The following GNAL variants were observed in gnomAD, a reference collection of about 807,000 sequenced individuals.
GNAL encodes G protein subunit alpha L, also known as guanine nucleotide-binding protein G(olf) subunit alpha.
Under a neutral mutation model 55.1 loss-of-function variants are expected in GNAL, and 18 were observed. The ratio of observed to expected loss-of-function variants is 0.33; its 90% CI spans 0.23 to 0.48. The LOEUF is 0.48. Ranked by LOEUF, GNAL falls within the 20% of genes least tolerant of loss-of-function variation. The pLI is 0.99. For synonymous variants in GNAL, 253 were observed against 237.0 expected (o/e 1.07, Z -0.62); for missense variants, 412 against 614.1 (o/e 0.67, Z 3.48).
In GNAL at chr18:11,851,825, C is replaced by T; in HGVS notation, c.723-10570C>T. The T allele has an allele frequency of 1.2e-6, 2 of 1,613,938 alleles. No individual in the cohort carries two copies. The highest frequency in any genetic ancestry group is 2.2e-5 in the South Asian group (2 of 91,074). Reference sequence around the variant, plus strand: ...AAGTCGATGGATGCGACATTGAAGACCATGAATCTGGAGAAGATTTCTGCT... The same window carrying T: ...AAGTCGATGGATGCGACATTGAAGATCATGAATCTGGAGAAGATTTCTGCT... On this transcript the variant is annotated intron_variant, in intron 5 of 11. Transcript: ENST00000334049.
In GNAL at chr18:11,872,257, T is replaced by C; in HGVS notation, c.1032-11T>C. ...TATGTGAAATTTGTATGTTTATTTT[T>C]CCTTTTTTAGGTGGTTACGGACCAT... On this transcript the variant is annotated splice_polypyrimidine_tract_variant and intron_variant, in intron 9 of 11. Transcript: ENST00000334049. 2 of 1,560,668 alleles carry C rather than the reference T, an allele frequency of 1.3e-6. No individual in the cohort carries two copies. Among genetic ancestry groups the C allele is most frequent in the African/African-American group, 1.4e-5 (1 of 72,048 alleles).
rs75722268 is a variant in GNAL at position 11,834,755 on chromosome 18, C to A, written c.722+9740C>A. On this transcript the variant is annotated intron_variant, in intron 5 of 11. Coordinates refer to ENST00000334049, the MANE Select transcript of GNAL (RefSeq NM_182978.4). ...AAGAAATTTTGTTCCAAGTTGAATT[C>A]TTAACAGTCTCTAACAGCTCTTCAC... 4.8e-3 allele frequency among the ~76,000 whole-genome samples: 728 copies of A among 152,286 alleles called. 2 individuals carry two copies. The highest frequency in any genetic ancestry group is 7.7e-3 in the Non-Finnish European group (527 of 68,014).
chr18:11,846,462 T>G (rs149821203), intron 5 of GNAL, among the ~76,000 whole-genome samples: 3,173 of 20,194 alleles, frequency 0.16, 120 homozygotes, highest in African/African-American at 0.22. Context: ...TATATATAAA[T>G]ATACACACAC....
At chr18:11,845,938 T>A (rs1011108926) in intron 5 of GNAL, among the ~76,000 whole-genome samples, 1 of 152,126 alleles carries the variant, frequency 6.6e-6, no homozygotes, top group Non-Finnish European at 1.5e-5. Context: ...AAATAATACA[T>A]TTTTTTCTCT....
At chr18:11,733,911 G>A (rs1458430460) in intron 1 of GNAL, among the ~76,000 whole-genome samples, 1 of 150,742 alleles carries the variant, frequency 6.6e-6, no homozygotes, top group African/African-American at 2.4e-5. Context: ...CAGAACTTGT[G>A]TGTGCGTGTC....
intron 8 of GNAL, among the ~76,000 whole-genome samples, chr18:11,867,803 C>T (rs1446380402): frequency 6.9e-6 from 1 of 145,736 alleles, no homozygotes; most frequent in African/African-American, 2.5e-5. Context: ...GGCAAAAGAG[C>T]GAGACTCTGT....
chr18:11,866,289 C>A (rs1453461868), intron 7 of GNAL, among the ~76,000 whole-genome samples: 1 of 150,336 alleles, frequency 6.7e-6, no homozygotes, highest in East Asian at 1.9e-4. Flanking sequence ...TAATGTAAAG[C>A]GTACGGATTA....
intron 4 of GNAL, among the ~76,000 whole-genome samples, chr18:11,824,262 T>TGGG (rs113728715): frequency 2.6e-4 from 38 of 145,176 alleles, no homozygotes; most frequent in African/African-American, 1.0e-3. Flanking sequence ...ATGGCTGAGA[T>TGGG]GGGGGGGGGG....
rs1297954612 is a variant in GNAL, at chr18:11,885,134, T to C, written c.*3999T>C. ...ACAGTGGCAAATGTTTTCATTTACT[T>C]TGAATTTGAAAATGTTAGGGTTTCC... On this transcript the variant is annotated 3_prime_UTR_variant, in exon 12 of 12. Transcript: ENST00000334049. The C allele has an allele frequency of 8.9e-6, 9 of 1,015,554 alleles. No homozygotes were observed. Among genetic ancestry groups the C allele is most frequent in the Non-Finnish European group, 1.2e-5 (9 of 778,246 alleles). The allele number at this position is 1,015,554 out of a possible 1,614,324, so 62.9% of individuals were successfully genotyped here. A position where few individuals can be genotyped will look rare whatever the true frequency, so the allele number is the denominator to read the frequency against.
rs745871081 is a variant in GNAL at position 11,884,653 on chromosome 18, C to G, written c.*3518C>G. On this transcript the variant is annotated 3_prime_UTR_variant, in exon 12 of 12. Transcript: ENST00000334049. ...CTGGAAAGGAGAAGGGAAAGTTATG[C>G]TGAGAGCACCAGGCACACGTTGAAC... 6 of 1,607,546 alleles carry G rather than the reference C, an allele frequency of 3.7e-6. No homozygotes were observed. The Admixed American group carries it at 6.7e-5, about 18-fold the overall frequency.
At chr18:11,851,333 C>A in intron 5 of GNAL, 1 of 779,570 alleles carries the variant, frequency 1.3e-6, no homozygotes, top group Non-Finnish European at 1.9e-6. Flanking sequence ...CCGGCGCCTT[C>A]CGTCCCGCAG....
chr18:11,799,731 G>T (rs1345181874), intron 4 of GNAL, among the ~76,000 whole-genome samples: 2 of 152,156 alleles, frequency 1.3e-5, no homozygotes, highest in South Asian at 4.1e-4. Context: ...TCAGATAAGG[G>T]ATATTCAGCC....
intron 4 of GNAL, among the ~76,000 whole-genome samples, chr18:11,803,458 C>T (rs1006110910): frequency 3.3e-5 from 5 of 152,228 alleles, no homozygotes; most frequent in Admixed American, 6.5e-5. Context: ...TTCCATTATC[C>T]ATTCTTCTGC....
intron 11 of GNAL, among the ~76,000 whole-genome samples, chr18:11,878,302 G>GT (rs1412093884): frequency 6.6e-6 from 1 of 152,000 alleles, no homozygotes; most frequent in Non-Finnish European, 1.5e-5. Flanking sequence ...ATTTTAAAAC[G>GT]TACCTGGGTA....
At chr18:11,849,863 T>A (rs73944921) in intron 5 of GNAL, among the ~76,000 whole-genome samples, 1 of 152,210 alleles carries the variant, frequency 6.6e-6, no homozygotes, top group Non-Finnish European at 1.5e-5. Context: ...GTGGCTGCTG[T>A]GTGCAGAGCG....
Position 11,752,831 on chromosome 18 carries a change from C to G in GNAL, c.377-22C>G. ...AGCGATATCCGGACACAGATCACAG[C>G]GTTCTTTCTGTTTGTTTGCAGGGGC... is the stretch of plus-strand genomic sequence containing the variant. On this transcript the variant is annotated intron_variant, in intron 1 of 11. Coordinates refer to ENST00000334049, the MANE Select transcript of GNAL (RefSeq NM_182978.4). This position sits in a 1 kb window ranked among gnomAD's most constrained non-coding sequence, Gnocchi z 4.5. The G allele has an allele frequency of 6.5e-7, 1 of 1,550,384 alleles. No homozygotes were observed. The highest frequency in any genetic ancestry group is 2.2e-5 in the East Asian group (1 of 44,540).
At chr18:11,854,659 T>C (rs577635906) in intron 5 of GNAL, among the ~76,000 whole-genome samples, 1 of 152,194 alleles carries the variant, frequency 6.6e-6, no homozygotes, top group Admixed American at 6.5e-5. Context: ...TGCACACCTG[T>C]AATCTCAGCT....
chr18:11,706,045 T>C (rs369105852), intron 1 of GNAL, among the ~76,000 whole-genome samples: 1 of 152,164 alleles, frequency 6.6e-6, no homozygotes, highest in Non-Finnish European at 1.5e-5. Context: ...TATGTCTTCT[T>C]TAAGAAGACA....
rs144494601 is a variant in GNAL, at chr18:11,775,510, G to A, written c.624+21565G>A. Among the ~76,000 whole-genome samples the A allele has an allele frequency of 2.1e-3, 321 of 152,320 alleles. 3 individuals are homozygous for A. Among genetic ancestry groups the A allele is most frequent in the African/African-American group, 7.0e-3 (291 of 41,552 alleles). ...CACACAGCATGTGCAGCAGGGCTGG[G>A]ACTTGGCGCCAGGGCCTACACTCTG... On this transcript the variant is annotated intron_variant, in intron 4 of 11. Transcript: ENST00000334049.
Sources: gnomAD v4.1 joint callset for allele counts (sites outside exome capture counted in the v4.1 genomes callset) on GRCh38, gnomAD v4.1.1 for gene constraint, Gnocchi (gnomAD v3.1) non-coding constraint, MANE v1.5 for transcripts, NCBI Gene and HGNC (gene_info 2026-07-23, HGNC 2026-07-21) for gene names.